The following DSG1 variants were observed in gnomAD, a reference collection of about 807,000 sequenced individuals.
DSG1 encodes desmoglein 1.
DSG1 carries 39 observed loss-of-function variants against 97.5 expected under a neutral mutation model. The ratio of observed to expected loss-of-function variants is 0.40; its 90% CI spans 0.31 to 0.52. The LOEUF (loss-of-function observed/expected upper bound fraction) is 0.52, where lower values mean the gene tolerates loss of function less well. Among genes scored for constraint, DSG1 ranks in the 20% least tolerant of loss-of-function variants. The pLI, the probability that DSG1 is intolerant of heterozygous loss-of-function variation, is 0.53. For missense variants in DSG1, 1,311 were observed against 1,295.4 expected, an observed-to-expected ratio of 1.01 and a Z score of -0.18; for synonymous variants, 475 against 443.4, an observed-to-expected ratio of 1.07 and a Z score of -0.90.
At chr18:31,336,305 G>C (rs763659969) in intron 8 of DSG1, 49 bp from the exon 9 acceptor site, 1 of 1,551,650 alleles carries the variant, frequency 6.4e-7, no homozygotes, top group East Asian at 2.3e-5. Context: ...CTTTCACCTG[G>C]AACGTTTTAT....
chr18:31,338,545 C>A (rs1176231383), intron 10 of DSG1, 91 bp downstream of exon 10: 3 of 1,432,380 alleles, frequency 2.1e-6, no homozygotes, highest in East Asian at 2.4e-5. Flanking sequence ...TTTGAAGTAA[C>A]CCCTTTCCAA....
chr18:31,344,871 A>G (rs1262174896), intron 13 of DSG1, among the ~76,000 whole-genome samples: 1 of 152,214 alleles, frequency 6.6e-6, no homozygotes, highest in African/African-American at 2.4e-5. Context: ...CTTTTTAAAC[A>G]GTAACCATTG....
intron 11 of DSG1, among the ~76,000 whole-genome samples, chr18:31,341,754 A>G (rs897230950): frequency 8.0e-6 from 1 of 124,676 alleles, no homozygotes; most frequent in African/African-American, 3.5e-5. Flanking sequence ...AATACATATG[A>G]AAAGAGTTCA....
chr18:31,328,127 G>A lies in DSG1; in HGVS notation c.217-62G>A, dbSNP rs2303465. The A allele has an allele frequency of 0.5, 790,377 of 1,566,658 alleles. 206,662 individuals are homozygous for A. The highest frequency in any genetic ancestry group is 0.62 in the South Asian group (55,026 of 88,618). ...TGCAACAACTCTCAAGAAAGCTGTCGTATATCAAATATAGAACTCTATTTG... is the reference window on the plus strand; with the variant it reads ...TGCAACAACTCTCAAGAAAGCTGTCATATATCAAATATAGAACTCTATTTG... On this transcript the variant is annotated intron_variant, in intron 3 of 14. Coordinates refer to ENST00000257192, the MANE Select transcript of DSG1 (RefSeq NM_001942.4).
intron 8 of DSG1, among the ~76,000 whole-genome samples, chr18:31,335,547 A>G (rs1212813626): frequency 7.9e-6 from 1 of 127,308 alleles, no homozygotes; most frequent in African/African-American, 2.6e-5. Flanking sequence ...TGTAATGTAT[A>G]TATACTTTTG....
Position 31,318,240 on chromosome 18 carries a change from A to C in DSG1, c.-61A>C. On this transcript the variant is annotated 5_prime_UTR_variant, in exon 1 of 15. Coordinates refer to ENST00000257192, the MANE Select transcript of DSG1 (RefSeq NM_001942.4). ...GACACCAGCTGAGTGGGAGAAAGAAAAAGAACAGAGAAGAACAAACAAAAC... is the reference window on the plus strand; with the variant it reads ...GACACCAGCTGAGTGGGAGAAAGAACAAGAACAGAGAAGAACAAACAAAAC... The C allele has an allele frequency of 6.9e-7, 1 of 1,448,484 alleles. No homozygotes were observed. 89.7% of individuals were successfully genotyped at this position (1,448,484 alleles called of 1,614,324 possible).
At position 31,327,099 on chromosome 18, in the gene DSG1, C is replaced by T. The variant is rs146947820; in HGVS notation, c.216+94C>T. On this transcript the variant is annotated intron_variant, in intron 3 of 14. Coordinates refer to ENST00000257192, the MANE Select transcript of DSG1 (RefSeq NM_001942.4). ...TAAATATTTCATGAACATGTCTCAC[C>T]GAGAAGCTACGATACAGAACAGAAC... The T allele has an allele frequency of 1.9e-5, 28 of 1,458,704 alleles. No individual in the cohort carries two copies. In the African/African-American group the frequency reaches 2.4e-4, roughly 12 times the overall value. 90.4% of individuals were successfully genotyped at this position (1,458,704 alleles called of 1,614,324 possible).
At position 31,342,546 on chromosome 18, in the gene DSG1, G is replaced by T. The variant is rs151157533; in HGVS notation, c.1688-904G>T. On this transcript the variant is annotated intron_variant, in intron 11 of 14. Coordinates refer to ENST00000257192, the MANE Select transcript of DSG1 (RefSeq NM_001942.4). ...TATTCAAAACCATTTACCAAGATTA[G>T]ATTATATAAGAGGCTGATAATAAAT... Among the ~76,000 whole-genome samples the T allele has an allele frequency of 7.2e-5, 11 of 151,792 alleles. No homozygotes were observed. The East Asian group carries it at 2.1e-3, about 29-fold the overall frequency.
Position 31,354,438 on chromosome 18 carries a change from T to G in DSG1, c.2242T>G (p.Leu748Val), listed in dbSNP as rs2144126688. Residue 748 changes from leucine to valine, a missense_variant, in exon 15 of 15, where the codon TTG becomes GTG. Leu to Val is a conservative substitution (Grantham distance 32). Around this residue, in one of 3 missense-constraint regions of DSG1, gnomAD observed 1,038 missense variants for 964.6 expected, o/e 1.08. Transcript: ENST00000257192. ...TGGAGAAGACCTGGATGACAGCTTC[T>G]TGGATACCCTGGGACCTAAATTTAA... is the stretch of plus-strand genomic sequence containing the variant. ...FIGEDLDDSF[L>V]DTLGPKFKKL... 6.2e-7 allele frequency: 1 copy of G among 1,614,172 alleles called. No homozygotes were observed. Among genetic ancestry groups the G allele is most frequent in the Non-Finnish European group, 8.5e-7 (1 of 1,180,026 alleles).
intron 5 of DSG1, among the ~76,000 whole-genome samples, chr18:31,330,249 C>T (rs906802159): frequency 6.6e-6 from 1 of 152,026 alleles, no homozygotes; most frequent in Non-Finnish European, 1.5e-5. Flanking sequence ...TCACATAACT[C>T]GCAGGCCAGC....
chr18:31,318,901 A>C (rs1444032081), intron 1 of DSG1, among the ~76,000 whole-genome samples: 1 of 152,146 alleles, frequency 6.6e-6, no homozygotes, highest in Non-Finnish European at 1.5e-5. Flanking sequence ...GCCCCGCACT[A>C]TTTAACTATG....
chr18:31,341,153 G>A (rs1471552871), intron 11 of DSG1, among the ~76,000 whole-genome samples: 1 of 152,178 alleles, frequency 6.6e-6, no homozygotes, highest in East Asian at 1.9e-4. Context: ...AAACCACATG[G>A]CACAGTCTTC....
chr18:31,320,243 G>T (rs770871643), intron 1 of DSG1, among the ~76,000 whole-genome samples: 3 of 151,580 alleles, frequency 2.0e-5, no homozygotes, highest in Non-Finnish European at 4.4e-5. Flanking sequence ...AATTCTTTCA[G>T]TTATCTTTCT....
intron 10 of DSG1, among the ~76,000 whole-genome samples, chr18:31,338,979 G>A (rs11081691): frequency 0.41 from 62,904 of 151,908 alleles, 14,241 homozygotes; most frequent in Non-Finnish European, 0.5. Context: ...GGGTTACATC[G>A]ATTAATAAAG....
At position 31,354,643 on chromosome 18, in the gene DSG1, C is replaced by T. The variant is rs372724391; in HGVS notation, c.2447C>T (p.Ser816Leu). ...GTAATTTCTGAGAGCACCTATCCCTCGGGACCTGGTGTACTGCATCCTAAG... is the reference window on the plus strand; with the variant it reads ...GTAATTTCTGAGAGCACCTATCCCTTGGGACCTGGTGTACTGCATCCTAAG... ...TTVISESTYP[S>L]GPGVLHPKPI... Residue 816 changes from serine (S) to leucine (L), a missense_variant, in exon 15 of 15, where the codon TCG becomes TTG. Physicochemically the swap from Ser to Leu is moderately radical, Grantham distance 145. Around this residue, in one of 3 missense-constraint regions of DSG1, gnomAD observed 1,038 missense variants for 964.6 expected, o/e 1.08. Transcript: ENST00000257192. 28 of 1,614,014 alleles carry T rather than the reference C, an allele frequency of 1.7e-5. No homozygotes were observed. Among genetic ancestry groups the T allele is most frequent in the Admixed American group, 1.0e-4 (6 of 59,992 alleles).
At chr18:31,327,160 A>C (rs1036203321) in intron 3 of DSG1, among the ~76,000 whole-genome samples, 155 bp downstream of exon 3, 1 of 152,090 alleles carries the variant, frequency 6.6e-6, no homozygotes, top group African/African-American at 2.4e-5. Context: ...GAAACTCATA[A>C]GGAGAAATTA....
Position 31,352,669 on chromosome 18 carries a change from C to A in DSG1, c.2101-1628C>A, listed in dbSNP as rs531600498. Among the ~76,000 whole-genome samples the A allele has an allele frequency of 2.8e-4, 41 of 148,454 alleles. 1 individual carries two copies. The South Asian group carries it at 8.5e-3, about 31-fold the overall frequency. ...TATTTCTTGGAGGCTTTGCTCATTT[C>A]TTTTTATTCTTTTTTCTCTAAACTT... On this transcript the variant is annotated intron_variant, in intron 14 of 14. Transcript: ENST00000257192.
intron 9 of DSG1, among the ~76,000 whole-genome samples, chr18:31,338,060 C>A (rs1598705372): frequency 2.0e-5 from 3 of 152,232 alleles, no homozygotes; most frequent in African/African-American, 7.2e-5. Context: ...ATTATTCTGA[C>A]ATCCAAGTGG....
Position 31,358,091 on chromosome 18 carries a change from C to G in DSG1, c.*2745C>G, listed in dbSNP as rs137884371. On this transcript the variant is annotated 3_prime_UTR_variant, in exon 15 of 15. Transcript: ENST00000257192. Reference sequence around the variant, plus strand: ...GTGAATACTATAATTAGGATTCAAGCTGAGTTTCAGATCAACTTGCTCTTA... The same window carrying G: ...GTGAATACTATAATTAGGATTCAAGGTGAGTTTCAGATCAACTTGCTCTTA... Among the ~76,000 whole-genome samples, 6 of 152,024 alleles carry G rather than the reference C, an allele frequency of 3.9e-5. No homozygotes were observed. Among genetic ancestry groups the G allele is most frequent in the African/African-American group, 1.4e-4 (6 of 41,526 alleles).
Sources: gnomAD v4.1 joint callset for allele counts (sites outside exome capture counted in the v4.1 genomes callset) on GRCh38, gnomAD v4.1.1 for gene constraint, gnomAD v4.1.1 regional missense constraint, MANE v1.5 for transcripts, NCBI Gene and HGNC (gene_info 2026-07-23, HGNC 2026-07-21) for gene names.